Variants in FMNL3 observed in about 807,000 individuals in gnomAD.
FMNL3 encodes the protein formin like 3.
FMNL3 carries 57 observed loss-of-function variants against 119.6 expected under a neutral mutation model. That is an observed-to-expected ratio of 0.48 (90% CI 0.39 to 0.59). FMNL3 has a LOEUF of 0.59. FMNL3 is among the 20% of genes least tolerant of loss of function. The pLI, the probability that FMNL3 is intolerant of heterozygous loss-of-function variation, is 0.00. For missense variants in FMNL3, 1,053 were observed against 1,323.5 expected, an observed-to-expected ratio of 0.80 and a Z score of 3.17; for synonymous variants, 491 against 507.3, an observed-to-expected ratio of 0.97 and a Z score of 0.43.
Position 49,644,460 on chromosome 12 carries a change from A to T in FMNL3, c.*1355T>A. 1 of 466,270 alleles carries T rather than the reference A, an allele frequency of 2.1e-6. No homozygotes were observed. The highest frequency in any genetic ancestry group is 4.0e-6 in the Non-Finnish European group (1 of 250,980). The allele number at this position is 466,270 out of a possible 1,614,324, so 28.9% of individuals were successfully genotyped here. ...TGTGGGGTGGGTGATGCCAGTAGATAAAAGTGTGAGAGAAGGGGTCTCCAG... is the reference window on the plus strand; with the variant it reads ...TGTGGGGTGGGTGATGCCAGTAGATTAAAGTGTGAGAGAAGGGGTCTCCAG... On this transcript the variant is annotated 3_prime_UTR_variant, in exon 26 of 26. Coordinates refer to ENST00000335154, the MANE Select transcript of FMNL3 (RefSeq NM_175736.5).
intron 1 of FMNL3, among the ~76,000 whole-genome samples, chr12:49,673,493 C>G (rs924018172): frequency 2.3e-4 from 35 of 152,276 alleles, no homozygotes; most frequent in African/African-American, 8.4e-4. Flanking sequence ...CCATTACTAG[C>G]TGCCAAAAGG....
In FMNL3 at chr12:49,707,108, T is replaced by C. The variant is rs1374104094; in HGVS notation, c.73A>G (p.Lys25Glu). Reference protein sequence around the residue: ...PSVPLLLPPGKMPMPEPCELE... With the variant: ...PSVPLLLPPGEMPMPEPCELE... ...TCACAGGGCTCAGGCATCGGCATCT[T>C]GCCGGGCGGCAGCAACAACGGGACA... The change falls in exon 1 of 26, where the codon AAG (lysine) becomes GAG (glutamate). Residue 25 changes from lysine (K) to glutamate (E), a missense_variant. This residue lies in a region of FMNL3 where 264 missense variants were observed against 265.5 expected (regional missense o/e 0.99). Transcript: ENST00000335154. 2.5e-6 allele frequency: 4 copies of C among 1,603,426 alleles called. No homozygotes were observed. The highest frequency in any genetic ancestry group is 2.3e-5 in the East Asian group (1 of 43,974).
Position 49,636,546 on chromosome 12 carries a change from G to T in FMNL3, c.*9269C>A. 1.4e-6 allele frequency: 1 copy of T among 689,750 alleles called. No homozygotes were observed. Among genetic ancestry groups the T allele is most frequent in the African/African-American group, 1.8e-5 (1 of 56,248 alleles). 42.7% of individuals were successfully genotyped at this position (689,750 alleles called of 1,614,324 possible). On this transcript the variant is annotated 3_prime_UTR_variant, in exon 26 of 26. Coordinates refer to ENST00000335154, the MANE Select transcript of FMNL3 (RefSeq NM_175736.5). Reference sequence around the variant, plus strand: ...TATACAATTAATGATCCCCTCTTAAGAACTACCATTGCAGTGGCTGCTCCC... The same window carrying T: ...TATACAATTAATGATCCCCTCTTAATAACTACCATTGCAGTGGCTGCTCCC...
At chr12:49,658,701 A>G in intron 5 of FMNL3, 107 bp from the exon 6 acceptor site, 1 of 1,307,508 alleles carries the variant, frequency 7.6e-7, no homozygotes, top group Non-Finnish European at 1.0e-6. Context: ...CCTCTAGGGC[A>G]ACAAGCAGCA....
Position 49,636,616 on chromosome 12 carries a change from T to G in FMNL3, c.*9199A>C. 6.5e-7 allele frequency: 1 copy of G among 1,541,874 alleles called. No individual in the cohort carries two copies. The highest frequency in any genetic ancestry group is 8.9e-7 in the Non-Finnish European group (1 of 1,128,932). ...CTTCCCCCACCACCCTGGGTATCCC[T>G]AGCACCTGTAGGACAGCATCGTTGA... On this transcript the variant is annotated 3_prime_UTR_variant, in exon 26 of 26. Transcript: ENST00000335154.
Position 49,637,930 on chromosome 12 carries a change from T to A in FMNL3, c.*7885A>T, listed in dbSNP as rs1942070325. The A allele has an allele frequency of 2.4e-6, 2 of 849,614 alleles. No individual in the cohort carries two copies. Among genetic ancestry groups the A allele is most frequent in the Non-Finnish European group, 3.9e-6 (2 of 519,172 alleles). The allele number at this position is 849,614 out of a possible 1,614,324, so 52.6% of individuals were successfully genotyped here. ...TTTTGCAGAAGCATTACAGCTTGGT[T>A]CAGCAGATATCTACTGTGATCCTTT... On this transcript the variant is annotated 3_prime_UTR_variant, in exon 26 of 26. Transcript: ENST00000335154.
At chr12:49,706,730 G>A (rs1592707989) in intron 1 of FMNL3, among the ~76,000 whole-genome samples, 1 of 152,176 alleles carries the variant, frequency 6.6e-6, no homozygotes, top group Non-Finnish European at 1.5e-5. Flanking sequence ...GGGACGGGGA[G>A]CCTGGCGAAG....
In FMNL3 at chr12:49,644,987, G is replaced by C. The variant is rs927301676; in HGVS notation, c.*828C>G. 2.0e-5 allele frequency: 3 copies of C among 151,624 alleles called. No individual in the cohort carries two copies. Among genetic ancestry groups the C allele is most frequent in the Non-Finnish European group, 4.4e-5 (3 of 67,990 alleles). 9.4% of individuals were successfully genotyped at this position (151,624 alleles called of 1,614,324 possible). On this transcript the variant is annotated 3_prime_UTR_variant, in exon 26 of 26. Transcript: ENST00000335154. Reference sequence around the variant, plus strand: ...AGAGTCTGAGGTTTATGTACAGTAAGAGGAAAGGGAGGTGGTACATGTACA... The same window carrying C: ...AGAGTCTGAGGTTTATGTACAGTAACAGGAAAGGGAGGTGGTACATGTACA...
At chr12:49,693,341 T>C (rs1029732564) in intron 1 of FMNL3, among the ~76,000 whole-genome samples, 1 of 151,862 alleles carries the variant, frequency 6.6e-6, no homozygotes, top group Non-Finnish European at 1.5e-5. Flanking sequence ...CATATACATA[T>C]AGAGAGAGAC....
At chr12:49,686,385 T>G (rs1169758960) in intron 1 of FMNL3, among the ~76,000 whole-genome samples, 1 of 151,486 alleles carries the variant, frequency 6.6e-6, no homozygotes, top group Non-Finnish European at 1.5e-5. Context: ...ACCAATACCA[T>G]CCTAGCTAAC....
chr12:49,698,280 G>C (rs1944806599), intron 1 of FMNL3, among the ~76,000 whole-genome samples: 1 of 152,040 alleles, frequency 6.6e-6, no homozygotes, highest in Admixed American at 6.5e-5. Context: ...CTCTGGGTGA[G>C]GGGGGATAAG....
intron 1 of FMNL3, among the ~76,000 whole-genome samples, chr12:49,680,525 G>A (rs985376049): frequency 6.6e-6 from 1 of 152,150 alleles, no homozygotes; most frequent in Non-Finnish European, 1.5e-5. Flanking sequence ...CCCCTCTCAC[G>A]CTTTGAAGGC....
At position 49,645,491 on chromosome 12, in the gene FMNL3, C is replaced by A. The variant is rs1943143702; in HGVS notation, c.*324G>T. 6.5e-6 allele frequency: 2 copies of A among 309,990 alleles called. No homozygotes were observed. The highest frequency in any genetic ancestry group is 1.2e-5 in the Non-Finnish European group (2 of 169,002). The allele number at this position is 309,990 out of a possible 1,614,324, so 19.2% of individuals were successfully genotyped here. ...AGAACAGTTGCTCTCTCCTCTCATC[C>A]CTCTGGGCTCTAGTGGGAGAGATCT... On this transcript the variant is annotated 3_prime_UTR_variant, in exon 26 of 26. Transcript: ENST00000335154.
In FMNL3 at chr12:49,636,871, G is replaced by C; in HGVS notation, c.*8944C>G. 2.5e-6 allele frequency: 4 copies of C among 1,612,874 alleles called. No individual in the cohort carries two copies. Among genetic ancestry groups the C allele is most frequent in the Non-Finnish European group, 3.4e-6 (4 of 1,179,934 alleles). On this transcript the variant is annotated 3_prime_UTR_variant, in exon 26 of 26. Transcript: ENST00000335154. ...CCAGGTATCTTTGCTGTCCTTTCTA[G>C]ATCAGAGCTCAGCTCTGCCCTAGAG...
intron 2 of FMNL3, among the ~76,000 whole-genome samples, 168 bp from the exon 3 acceptor site, chr12:49,666,375 A>T (rs1329436317): frequency 1.3e-5 from 2 of 152,176 alleles, no homozygotes; most frequent in Non-Finnish European, 1.5e-5. Flanking sequence ...TCCTTGACTT[A>T]TCCCCAGGTG....
At chr12:49,679,054 G>GA (rs1215632638) in intron 1 of FMNL3, among the ~76,000 whole-genome samples, 1 of 152,034 alleles carries the variant, frequency 6.6e-6, no homozygotes, top group African/African-American at 2.4e-5. Flanking sequence ...CAGTAATAAT[G>GA]AAAAAAGCTA....
rs1256966617 is a variant in FMNL3 at position 49,641,312 on chromosome 12, G to C, written c.*4503C>G. On this transcript the variant is annotated 3_prime_UTR_variant, in exon 26 of 26. Transcript: ENST00000335154. ...TGGTGCTTGAAAGCAGACACTTTGG[G>C]GATAGAGAGCCCCCCCAGGGTAGGG... The C allele has an allele frequency of 6.6e-6, 1 of 152,176 alleles. No homozygotes were observed. The highest frequency in any genetic ancestry group is 6.5e-5 in the Admixed American group (1 of 15,302). 9.4% of individuals were successfully genotyped at this position (152,176 alleles called of 1,614,324 possible).
chr12:49,684,938 G>A (rs1944419880), intron 1 of FMNL3, among the ~76,000 whole-genome samples: 2 of 152,324 alleles, frequency 1.3e-5, no homozygotes, highest in Middle Eastern at 3.4e-3. Context: ...AGCATACTCT[G>A]GACACAGAAG....
intron 13 of FMNL3, among the ~76,000 whole-genome samples, chr12:49,652,483 G>T (rs1233150459): frequency 6.6e-6 from 1 of 152,090 alleles, no homozygotes; most frequent in Non-Finnish European, 1.5e-5. Context: ...CAAAGCCCAG[G>T]AAAAAAGGTT....
Sources: gnomAD v4.1 joint callset for allele counts (sites outside exome capture counted in the v4.1 genomes callset) on GRCh38, gnomAD v4.1.1 for gene constraint, gnomAD v4.1.1 regional missense constraint, MANE v1.5 for transcripts, NCBI Gene and HGNC (gene_info 2026-07-23, HGNC 2026-07-21) for gene names.